The following NRP1 variants were observed in gnomAD, a reference collection of about 807,000 sequenced individuals.
NRP1 encodes neuropilin-1.
Under a neutral mutation model 106.7 loss-of-function variants are expected in NRP1, and 35 were observed. The observed-to-expected ratio is 0.33, with a 90% CI of 0.25 to 0.43. NRP1 has a LOEUF of 0.43. Ranked by LOEUF, NRP1 falls within the 20% of genes least tolerant of loss-of-function variation. The pLI is 1.00. For synonymous variants in NRP1, 437 were observed against 417.9 expected (o/e 1.05, Z -0.56); for missense variants, 1,024 against 1,170.4 (o/e 0.87, Z 1.83).
chr10:33,265,237 C>T (rs571998350), intron 3 of NRP1, among the ~76,000 whole-genome samples: 1 of 152,336 alleles, frequency 6.6e-6, no homozygotes, highest in African/African-American at 2.4e-5. Context: ...CAAATAGCTA[C>T]ACTTAAGACA....
At chr10:33,253,528 A>G (rs1842003881) in intron 6 of NRP1, among the ~76,000 whole-genome samples, 1 of 152,202 alleles carries the variant, frequency 6.6e-6, no homozygotes, top group South Asian at 2.1e-4. Flanking sequence ...ACCTACATGG[A>G]AAAACACACT....
chr10:33,204,252 G>A (rs1837584216), intron 10 of NRP1, among the ~76,000 whole-genome samples: 1 of 152,016 alleles, frequency 6.6e-6, no homozygotes, highest in African/African-American at 2.4e-5. Flanking sequence ...ACACTGAATG[G>A]TGCTGAAACA....
intron 6 of NRP1, among the ~76,000 whole-genome samples, chr10:33,228,266 G>T (rs937151907): frequency 7.2e-5 from 11 of 152,114 alleles, no homozygotes; most frequent in African/African-American, 1.9e-4. Context: ...CAACTACTCG[G>T]GAGGCTGAGG....
intron 4 of NRP1, among the ~76,000 whole-genome samples, chr10:33,259,322 G>A (rs1426915677): frequency 6.6e-6 from 1 of 152,064 alleles, no homozygotes; most frequent in Non-Finnish European, 1.5e-5. Flanking sequence ...CTCAAGATAC[G>A]AGAGTGAAAG....
rs531924989 is a variant in NRP1 at position 33,310,938 on chromosome 10, C to T, written c.248+19770G>A. Among the ~76,000 whole-genome samples, 6 of 152,236 alleles carry T rather than the reference C, an allele frequency of 3.9e-5. No homozygotes were observed. In the South Asian group the frequency reaches 8.3e-4, roughly 21 times the overall value. On this transcript the variant is annotated intron_variant, in intron 2 of 16. Transcript: ENST00000374867. ...GCCACTTGAAGAGTCAGTAAAATGACGCCAAGACCATAAACCAATTCCAAA... is the reference window on the plus strand; with the variant it reads ...GCCACTTGAAGAGTCAGTAAAATGATGCCAAGACCATAAACCAATTCCAAA...
chr10:33,258,781 G>A (rs1008020937), intron 4 of NRP1, among the ~76,000 whole-genome samples: 2 of 151,940 alleles, frequency 1.3e-5, no homozygotes, highest in African/African-American at 2.4e-5. Flanking sequence ...GGAGCACGAA[G>A]TTGTCCATAA....
At chr10:33,252,391 G>A (rs866617444) in intron 6 of NRP1, among the ~76,000 whole-genome samples, 5 of 152,162 alleles carry the variant, frequency 3.3e-5, no homozygotes, top group Middle Eastern at 3.2e-3. Flanking sequence ...GTGAACACAA[G>A]CCGCCTATAG....
chr10:33,270,635 C>A (rs1301767455), intron 3 of NRP1, 40 bp downstream of exon 3: 1 of 1,541,728 alleles, frequency 6.5e-7, no homozygotes, highest in South Asian at 1.3e-5. Flanking sequence ...CCTAAATGAA[C>A]TCTTAGTCAT....
chr10:33,239,900 CTTCCTGTATTTT>C (rs1363469457), intron 6 of NRP1, among the ~76,000 whole-genome samples: 3 of 152,320 alleles, frequency 2.0e-5, no homozygotes, highest in Non-Finnish European at 4.4e-5. Flanking sequence ...CTCCCATACC[CTTCCTGTATTTT>C]TGAAAATAGA....
chr10:33,183,343 A>C (rs1158882037), intron 15 of NRP1, among the ~76,000 whole-genome samples: 4 of 152,048 alleles, frequency 2.6e-5, no homozygotes, highest in Admixed American at 2.0e-4. Flanking sequence ...TTTAAAAAAA[A>C]AAAAAAAGAA....
At chr10:33,231,496 C>G (rs1241654183) in intron 6 of NRP1, among the ~76,000 whole-genome samples, 1 of 152,104 alleles carries the variant, frequency 6.6e-6, no homozygotes, top group Non-Finnish European at 1.5e-5. Flanking sequence ...TGATAACTGG[C>G]TTTATAATGG....
At chr10:33,330,543 T>G (rs1340790747) in intron 2 of NRP1, among the ~76,000 whole-genome samples, 165 bp downstream of exon 2, 1 of 152,210 alleles carries the variant, frequency 6.6e-6, no homozygotes, top group Non-Finnish European at 1.5e-5. Flanking sequence ...CAGAAATCAC[T>G]TAACGTACTT....
rs996659480 is a variant in NRP1, at chr10:33,232,982, G to A, written c.982-6693C>T. On this transcript the variant is annotated intron_variant, in intron 6 of 16. Coordinates refer to ENST00000374867, the MANE Select transcript of NRP1 (RefSeq NM_003873.7). ...TTTCTAAGTTATAATACATAGCGCC[G>A]TTGGCACTATAATGATTAGAAATGT... 2.6e-5 allele frequency among the ~76,000 whole-genome samples: 4 copies of A among 151,980 alleles called. 1 individual carries two copies. The highest frequency in any genetic ancestry group is 4.1e-4 in the South Asian group (2 of 4,832).
At chr10:33,330,458 C>T (rs986669012) in intron 2 of NRP1, among the ~76,000 whole-genome samples, 6 of 151,852 alleles carry the variant, frequency 4.0e-5, no homozygotes, top group Admixed American at 1.3e-4. Flanking sequence ...ACAAGAGTTC[C>T]CAAACCAAAA....
chr10:33,238,941 G>T (rs1025085612), intron 6 of NRP1, among the ~76,000 whole-genome samples: 1 of 150,634 alleles, frequency 6.6e-6, no homozygotes, highest in Non-Finnish European at 1.5e-5. Flanking sequence ...GTATGTGTGC[G>T]CATAGTTTTG....
intron 8 of NRP1, 111 bp from the exon 9 acceptor site, chr10:33,213,828 A>G (rs1838529884): frequency 3.6e-6 from 3 of 842,948 alleles, no homozygotes; most frequent in Non-Finnish European, 5.5e-6. Flanking sequence ...CCAATCATAT[A>G]CAATTTTCAG....
In NRP1 at chr10:33,180,206, C is replaced by T. The variant is rs551199073; in HGVS notation, c.2642G>A (p.Cys881Tyr). The part of the protein sequence containing the change: ...LGAVCGVVLY[C>Y]ACWHNGMSER... The stretch of plus-strand genomic sequence containing the variant: ...TGACATCCCATTATGCCAACAGGCA[C>T]AGTACAGCACGACCCCACAGACAGC... The change falls in exon 17 of 17, where the codon TGT (cysteine) becomes TAT (tyrosine). Residue 881 changes from cysteine to tyrosine, a missense_variant. By Grantham distance (194) the Cys-to-Tyr change is radical. Transcript: ENST00000374867. 196 of 1,614,160 alleles carry T rather than the reference C, an allele frequency of 1.2e-4. 1 individual carries two copies. The South Asian group carries it at 2.1e-3, about 17-fold the overall frequency.
At chr10:33,246,432 G>A (rs978134552) in intron 6 of NRP1, among the ~76,000 whole-genome samples, 3 of 152,172 alleles carry the variant, frequency 2.0e-5, no homozygotes, top group Admixed American at 6.5e-5. Flanking sequence ...TGGGTAGTAT[G>A]TAAAGCATTT....
At chr10:33,209,905 T>C (rs953428209) in intron 9 of NRP1, among the ~76,000 whole-genome samples, 1 of 152,226 alleles carries the variant, frequency 6.6e-6, no homozygotes, top group African/African-American at 2.4e-5. Flanking sequence ...GTAGATCAGA[T>C]GGAGTGGCTG....
Sources: allele counts gnomAD v4.1 joint callset (sites outside exome capture counted in the v4.1 genomes callset), GRCh38; gene constraint gnomAD v4.1.1; transcripts MANE v1.5; gene names NCBI Gene and HGNC (gene_info 2026-07-23, HGNC 2026-07-21).